DAPK1: variants seen among roughly 807,000 people sequenced by gnomAD.
DAPK1 encodes death associated protein kinase 1.
DAPK1 carries 56 observed loss-of-function variants against 144.9 expected under a neutral mutation model. The ratio of observed to expected loss-of-function variants is 0.39; its 90% CI spans 0.31 to 0.48. The LOEUF is 0.48. Ranked by LOEUF, DAPK1 falls within the 20% of genes least tolerant of loss-of-function variation. The pLI, the probability that DAPK1 is intolerant of heterozygous loss-of-function variation, is 0.95. For missense variants in DAPK1, 1,454 were observed against 1,875.4 expected, an observed-to-expected ratio of 0.78 and a Z score of 4.15; for synonymous variants, 690 against 749.0, an observed-to-expected ratio of 0.92 and a Z score of 1.29.
chr9:87,511,715 G>GT (rs72230231), intron 2 of DAPK1, among the ~76,000 whole-genome samples: 4,783 of 146,164 alleles, frequency 0.033, 138 homozygotes, highest in Non-Finnish European at 0.051. Context: ...TCTGTGGTTT[G>GT]TTTTTTTTTC....
At chr9:87,521,090 T>C (rs36229906) in intron 2 of DAPK1, among the ~76,000 whole-genome samples, 13,620 of 152,270 alleles carry the variant, frequency 0.089, 1,112 homozygotes, top group East Asian at 0.41. Flanking sequence ...CTTGTACAAA[T>C]TATGTTCCTT....
chr9:87,653,916 A>C (rs1346018405), intron 17 of DAPK1, among the ~76,000 whole-genome samples: 1 of 151,874 alleles, frequency 6.6e-6, no homozygotes, highest in Non-Finnish European at 1.5e-5. Flanking sequence ...CTGGTCTCGA[A>C]CTCCTGACCT....
chr9:87,545,216 C>T (rs1269915725), intron 2 of DAPK1, among the ~76,000 whole-genome samples: 2 of 152,152 alleles, frequency 1.3e-5, no homozygotes, highest in African/African-American at 4.8e-5. Flanking sequence ...GACTGATCTC[C>T]CCAATTCTCC....
chr9:87,609,223 A>G (rs1210362532), intron 3 of DAPK1, among the ~76,000 whole-genome samples: 1 of 152,204 alleles, frequency 6.6e-6, no homozygotes, highest in Non-Finnish European at 1.5e-5. Flanking sequence ...GGCTGGAACT[A>G]CACCAGCAGC....
At chr9:87,609,106 C>T (rs1828831847) in intron 3 of DAPK1, among the ~76,000 whole-genome samples, 1 of 152,206 alleles carries the variant, frequency 6.6e-6, no homozygotes, top group Non-Finnish European at 1.5e-5. Flanking sequence ...AAGTAGGAGA[C>T]CATTTTTCCT....
At chr9:87,549,411 G>C (rs746273470) in intron 2 of DAPK1, among the ~76,000 whole-genome samples, 23 of 152,082 alleles carry the variant, frequency 1.5e-4, no homozygotes, top group Non-Finnish European at 2.8e-4. Context: ...ACCCATACGT[G>C]TATCTTTATA....
At chr9:87,523,073 T>C (rs1009469039) in intron 2 of DAPK1, among the ~76,000 whole-genome samples, 1 of 152,226 alleles carries the variant, frequency 6.6e-6, no homozygotes, top group African/African-American at 2.4e-5. Flanking sequence ...CCCATGATTT[T>C]TTTTTGTGTT....
At position 87,675,848 on chromosome 9, in the gene DAPK1, T is replaced by TACACACACACACACACACACAC. The variant is rs763359644; in HGVS notation, c.2002-5529_2002-5508dup. Among the ~76,000 whole-genome samples, 631 of 117,302 alleles carry TACACACACACACACACACACAC rather than the reference T, an allele frequency of 5.4e-3. 19 individuals are homozygous for TACACACACACACACACACACAC. The highest frequency in any genetic ancestry group is 0.015 in the African/African-American group (389 of 26,748). 77.0% of individuals were successfully genotyped at this position (117,302 alleles called of 152,430 possible). ...TAATACAGGTAAATACATTCTACCC[T>TACACACACACACACACACACAC]ACACACACACACACACACACACACA... On this transcript the variant is annotated intron_variant, in intron 19 of 25. Transcript: ENST00000408954.
chr9:87,693,673 G>A lies in DAPK1; in HGVS notation c.2414-3334G>A, dbSNP rs36218434. 5.3e-5 allele frequency among the ~76,000 whole-genome samples: 8 copies of A among 152,168 alleles called. No homozygotes were observed. In the South Asian group the frequency reaches 1.2e-3, roughly 24 times the overall value. ...TCCTTACATTGATATCTGTGCATCCGGTATAATAGTCACTTCTTTGAACTT... is the reference window on the plus strand; with the variant it reads ...TCCTTACATTGATATCTGTGCATCCAGTATAATAGTCACTTCTTTGAACTT... On this transcript the variant is annotated intron_variant, in intron 21 of 25. Transcript: ENST00000408954.
intron 17 of DAPK1, among the ~76,000 whole-genome samples, chr9:87,657,158 G>A (rs1373969637): frequency 6.6e-6 from 1 of 152,116 alleles, no homozygotes; most frequent in Non-Finnish European, 1.5e-5. Context: ...TCTGTTCATT[G>A]AGTGGTTCAG....
chr9:87,641,081 C>T (rs1199885081), intron 9 of DAPK1, among the ~76,000 whole-genome samples: 2 of 152,176 alleles, frequency 1.3e-5, no homozygotes, highest in Non-Finnish European at 2.9e-5. Context: ...AGGTCAAGCC[C>T]ACTCGACAAC....
At chr9:87,629,977 G>A (rs1416150020) in intron 3 of DAPK1, among the ~76,000 whole-genome samples, 1 of 152,120 alleles carries the variant, frequency 6.6e-6, no homozygotes, top group Non-Finnish European at 1.5e-5. Flanking sequence ...TGTGCTATGA[G>A]GGAGCCCAAA....
rs1831138468 is a variant in DAPK1 at position 87,668,590 on chromosome 9, C to G, written c.1924-7C>G. The G allele has an allele frequency of 7.6e-7, 1 of 1,312,400 alleles. No homozygotes were observed. Among genetic ancestry groups the G allele is most frequent in the Non-Finnish European group, 1.1e-6 (1 of 903,998 alleles). The allele number at this position is 1,312,400 out of a possible 1,614,324, so 81.3% of individuals were successfully genotyped here. ...AGAAAAGAAACTAATGCATTTTTCT[C>G]CAACAGGACGGAAAGACGGCAGAAG... On this transcript the variant is annotated splice_region_variant and splice_polypyrimidine_tract_variant and intron_variant, in intron 18 of 25. Coordinates refer to ENST00000408954, the MANE Select transcript of DAPK1 (RefSeq NM_004938.4).
intron 2 of DAPK1, among the ~76,000 whole-genome samples, chr9:87,552,129 C>G (rs1411623019): frequency 6.6e-6 from 1 of 152,050 alleles, no homozygotes; most frequent in Non-Finnish European, 1.5e-5. Flanking sequence ...CAGGCAGGGC[C>G]CTGCCTGGGG....
intron 2 of DAPK1, chr9:87,506,971 G>T (rs1409234923): frequency 1.3e-5 from 2 of 152,194 alleles, no homozygotes; most frequent in Non-Finnish European, 2.9e-5. Flanking sequence ...AATGTGCTGG[G>T]TGGGTTTTTA....
At chr9:87,552,054 C>T (rs973185935) in intron 2 of DAPK1, among the ~76,000 whole-genome samples, 6 of 141,522 alleles carry the variant, frequency 4.2e-5, no homozygotes, top group Non-Finnish European at 9.3e-5. Context: ...AGCCAGCAGG[C>T]CTCGCGAGGC....
At chr9:87,570,170 A>G (rs1827277520) in intron 2 of DAPK1, among the ~76,000 whole-genome samples, 1 of 152,214 alleles carries the variant, frequency 6.6e-6, no homozygotes, top group Admixed American at 6.5e-5. Flanking sequence ...AGAAGGCACA[A>G]ACACTGCTGA....
In DAPK1 at chr9:87,640,342, C is replaced by T. The variant is rs1564038344; in HGVS notation, c.674C>T (p.Thr225Met). Residue 225 changes from threonine to methionine, a missense_variant, in exon 8 of 26, where the codon ACG (threonine) becomes ATG (methionine). Thr to Met is a moderately conservative substitution (Grantham distance 81). Coordinates refer to ENST00000408954, the MANE Select transcript of DAPK1 (RefSeq NM_004938.4). ...TTTCTTGGAGACACTAAGCAAGAAA[C>T]GTTAGCAAATGTATCCGCTGTCAAC... ...SPFLGDTKQETLANVSAVNYE... is the reference protein window; with the variant it reads ...SPFLGDTKQEMLANVSAVNYE... 1.2e-6 allele frequency: 2 copies of T among 1,614,090 alleles called. No individual in the cohort carries two copies. Among genetic ancestry groups the T allele is most frequent in the African/African-American group, 1.3e-5 (1 of 74,948 alleles).
At chr9:87,585,416 A>G (rs868314086) in intron 2 of DAPK1, among the ~76,000 whole-genome samples, 2 of 152,230 alleles carry the variant, frequency 1.3e-5, no homozygotes, top group Non-Finnish European at 2.9e-5. Flanking sequence ...TAGGTTGTCT[A>G]TTTGGCTTCT....
Sources: allele counts gnomAD v4.1 joint callset (sites outside exome capture counted in the v4.1 genomes callset), GRCh38; gene constraint gnomAD v4.1.1; transcripts MANE v1.5; gene names NCBI Gene and HGNC (gene_info 2026-07-23, HGNC 2026-07-21).